RILPL1: variants seen among roughly 807,000 people sequenced by gnomAD.
RILPL1 encodes Rab interacting lysosomal protein like 1, also known as RILP-like protein 1.
RILPL1 carries 33 observed loss-of-function variants against 50.3 expected under a neutral mutation model. The ratio of observed to expected loss-of-function variants is 0.66; its 90% CI spans 0.50 to 0.88. RILPL1 has a LOEUF of 0.88. RILPL1 is among the 40% of genes least tolerant of loss of function. RILPL1 has a pLI of 0.00. For synonymous variants in RILPL1, 205 were observed against 228.6 expected (o/e 0.90, Z 0.93); for missense variants, 418 against 542.5 (o/e 0.77, Z 2.28).
At chr12:123,526,897 C>T (rs1050928982) in intron 1 of RILPL1, among the ~76,000 whole-genome samples, 2 of 152,134 alleles carry the variant, frequency 1.3e-5, no homozygotes, top group Non-Finnish European at 2.9e-5. Flanking sequence ...ATAGGCTGGG[C>T]TCACACGGGG....
chr12:123,510,969 GTGTGTGTGTGGTGTGTGTGAGGTC>G (rs1443832068), intron 2 of RILPL1, among the ~76,000 whole-genome samples: 5 of 140,434 alleles, frequency 3.6e-5, no homozygotes, highest in East Asian at 2.1e-4. Flanking sequence ...TGTGAGGTCT[GTGTGTGTGTGGTGTGTGTGAGGTC>G]TGTGTGTGTG....
At chr12:123,483,629 A>G (rs1404106995) in intron 6 of RILPL1, among the ~76,000 whole-genome samples, 1 of 152,202 alleles carries the variant, frequency 6.6e-6, no homozygotes, top group East Asian at 1.9e-4. Context: ...GAAGTAGCTT[A>G]AAGTCTAGTT....
chr12:123,509,757 C>T (rs73412281), intron 2 of RILPL1, among the ~76,000 whole-genome samples: 11,494 of 152,212 alleles, frequency 0.076, 1,370 homozygotes, highest in African/African-American at 0.25. Flanking sequence ...AGGGGTCCAG[C>T]GCCCTGCTGC....
At chr12:123,475,507 C>T (rs1881524962) in intron 6 of RILPL1, 2 of 636,026 alleles carry the variant, frequency 3.1e-6, no homozygotes, top group East Asian at 5.5e-5. Flanking sequence ...AGTGGCACAG[C>T]TGAAATCACA....
At chr12:123,520,512 T>C (rs151295403) in intron 2 of RILPL1, among the ~76,000 whole-genome samples, 189 of 152,252 alleles carry the variant, frequency 1.2e-3, no homozygotes, top group Middle Eastern at 6.8e-3. Flanking sequence ...TGAGCCAAGA[T>C]TGCGCCACTG....
intron 4 of RILPL1, among the ~76,000 whole-genome samples, chr12:123,494,590 C>A (rs541850082): frequency 6.6e-6 from 1 of 152,170 alleles, no homozygotes; most frequent in Non-Finnish European, 1.5e-5. Flanking sequence ...AGGAGACCAG[C>A]CTGAGCTCCC....
chr12:123,510,441 G>A lies in RILPL1; in HGVS notation c.461-10905C>T, dbSNP rs563415959. On this transcript the variant is annotated intron_variant, in intron 2 of 6. Transcript: ENST00000376874. ...AGGTCTGTGTCTGGTGTGTGTGTGA[G>A]GTCTGTGTGTGTGAATGTGGGGTCT... 2.4e-4 allele frequency among the ~76,000 whole-genome samples: 36 copies of A among 148,864 alleles called. No individual in the cohort carries two copies. The East Asian group carries it at 6.7e-3, about 28-fold the overall frequency.
chr12:123,499,412 A>G lies in RILPL1; in HGVS notation c.579+6T>C. The G allele has an allele frequency of 6.2e-7, 1 of 1,606,688 alleles. No homozygotes were observed. The highest frequency in any genetic ancestry group is 8.5e-7 in the Non-Finnish European group (1 of 1,173,362). On this transcript the variant is annotated splice_donor_region_variant and intron_variant, in intron 3 of 6. Transcript: ENST00000376874. ...GGTGGACGCAGGTCAGGGGTGTGTC[A>G]CTCACAGCCTCAACGTCCTCATTTT...
At chr12:123,505,624 T>A (rs1883699021) in intron 2 of RILPL1, among the ~76,000 whole-genome samples, 1 of 150,884 alleles carries the variant, frequency 6.6e-6, no homozygotes, top group South Asian at 2.1e-4. Flanking sequence ...GGCCATCGAG[T>A]TTTTGTTTTC....
At chr12:123,476,433 CT>C (rs1199523466) in intron 6 of RILPL1, among the ~76,000 whole-genome samples, 1 of 148,692 alleles carries the variant, frequency 6.7e-6, no homozygotes, top group Non-Finnish European at 1.5e-5. Flanking sequence ...AAGAGCAAAA[CT>C]CCATCTCAAG....
rs1883163195 is a variant in RILPL1 at position 123,498,351 on chromosome 12, C to G, written c.801+193G>C. On this transcript the variant is annotated intron_variant, in intron 4 of 6. Transcript: ENST00000376874. The surrounding 1 kb of genome is among the most constrained non-coding windows in gnomAD (Gnocchi z 4.3). ...CTGCCTAAGCCTCCCAGGCAGGCAG[C>G]TGGTACTACAGGTGTGCACCACCAC... 6.7e-6 allele frequency among the ~76,000 whole-genome samples: 1 copy of G among 148,862 alleles called. No homozygotes were observed. The highest frequency in any genetic ancestry group is 2.5e-5 in the African/African-American group (1 of 39,762).
Position 123,504,222 on chromosome 12 carries a change from G to A in RILPL1, c.461-4686C>T, listed in dbSNP as rs529093353. On this transcript the variant is annotated intron_variant, in intron 2 of 6. Transcript: ENST00000376874. ...AATCCGAGGTGAACAAGGGGGAAAC[G>A]TCCCTCCTTAGCCCCCGGGACTCAG... is the stretch of plus-strand genomic sequence containing the variant. Among the ~76,000 whole-genome samples, 7 of 152,208 alleles carry A rather than the reference G, an allele frequency of 4.6e-5. No homozygotes were observed. The East Asian group carries it at 5.8e-4, about 13-fold the overall frequency.
At chr12:123,512,169 G>C (rs894831827) in intron 2 of RILPL1, among the ~76,000 whole-genome samples, 2 of 143,308 alleles carry the variant, frequency 1.4e-5, no homozygotes, top group Non-Finnish European at 3.1e-5. Flanking sequence ...TGTGAGGTCT[G>C]TGTGTGTGTG....
intron 1 of RILPL1, among the ~76,000 whole-genome samples, chr12:123,528,991 A>C (rs1353664979): frequency 1.3e-5 from 2 of 151,974 alleles, no homozygotes; most frequent in Non-Finnish European, 2.9e-5. Flanking sequence ...AAGCCCCGGC[A>C]CCTTCCTGAT....
At chr12:123,513,171 G>T (rs569427935) in intron 2 of RILPL1, among the ~76,000 whole-genome samples, 1 of 151,512 alleles carries the variant, frequency 6.6e-6, no homozygotes, top group South Asian at 2.1e-4. Context: ...TGTGTGTGTG[G>T]CGTGTGTGAG....
At position 123,498,214 on chromosome 12, in the gene RILPL1, TC is replaced by T. The variant is rs1883154249; in HGVS notation, c.801+329del. Among the ~76,000 whole-genome samples, 1 of 151,540 alleles carries T rather than the reference TC, an allele frequency of 6.6e-6. No homozygotes were observed. Among genetic ancestry groups the T allele is most frequent in the Non-Finnish European group, 1.5e-5 (1 of 67,852 alleles). Reference sequence around the variant, plus strand: ...CTCTGAGCCTCTCGTTTTTTCTCTCTCTCTCTCTCTCTTTTTTTTTTAGACA... The same window carrying T: ...CTCTGAGCCTCTCGTTTTTTCTCTCTTCTCTCTCTCTTTTTTTTTTAGACA... On this transcript the variant is annotated intron_variant, in intron 4 of 6. Coordinates refer to ENST00000376874, the MANE Select transcript of RILPL1 (RefSeq NM_178314.5). The surrounding 1 kb of genome is among the most constrained non-coding windows in gnomAD (Gnocchi z 4.3).
At chr12:123,518,873 A>G (rs1884860266) in intron 2 of RILPL1, among the ~76,000 whole-genome samples, 2 of 151,954 alleles carry the variant, frequency 1.3e-5, no homozygotes. Context: ...ACTGGCTAAC[A>G]CGGTGAAATC....
chr12:123,512,508 CTGT>C (rs536587920), intron 2 of RILPL1, among the ~76,000 whole-genome samples: 19 of 70,140 alleles, frequency 2.7e-4, no homozygotes, highest in African/African-American at 1.1e-3. Flanking sequence ...GGTGTGAGAT[CTGT>C]GTGTGTGTGA....
intron 2 of RILPL1, among the ~76,000 whole-genome samples, chr12:123,520,873 CG>C (rs2139381046): frequency 6.6e-6 from 1 of 152,234 alleles, no homozygotes; most frequent in African/African-American, 2.4e-5. Flanking sequence ...AACACCACGG[CG>C]GATCAATCCA....
Sources: gnomAD v4.1 joint callset for allele counts (sites outside exome capture counted in the v4.1 genomes callset) on GRCh38, gnomAD v4.1.1 for gene constraint, Gnocchi (gnomAD v3.1) non-coding constraint, MANE v1.5 for transcripts, NCBI Gene and HGNC (gene_info 2026-07-23, HGNC 2026-07-21) for gene names.